The following SH3BP1 variants were observed in gnomAD, a reference collection of about 807,000 sequenced individuals.
The protein encoded by SH3BP1 is SH3 domain binding protein 1.
Under a neutral mutation model 69.8 loss-of-function variants are expected in SH3BP1, and 46 were observed. The observed-to-expected ratio is 0.66, with a 90% confidence interval of 0.52 to 0.84. The LOEUF (loss-of-function observed/expected upper bound fraction) is 0.84, where lower values mean the gene tolerates loss of function less well. Among genes scored for constraint, SH3BP1 ranks in the 40% least tolerant of loss-of-function variants. The pLI is 0.00. For synonymous variants in SH3BP1, 403 were observed against 378.0 expected, an observed-to-expected ratio of 1.07 and a Z score of -0.77; for missense variants, 868 against 930.9, an observed-to-expected ratio of 0.93 and a Z score of 0.88.
Position 37,655,452 on chromosome 22 carries a change from C to T in SH3BP1, c.1874C>T (p.Pro625Leu). 7.6e-7 allele frequency: 1 copy of T among 1,316,862 alleles called. No homozygotes were observed. The highest frequency in any genetic ancestry group is 1.0e-6 in the Non-Finnish European group (1 of 964,474). The allele number at this position is 1,316,862 out of a possible 1,614,324, so 81.6% of individuals were successfully genotyped here. The change falls in exon 18 of 18, where the codon CCC becomes CTC. Residue 625 changes from proline to leucine, a missense_variant. Pro to Leu is a moderately conservative substitution (Grantham distance 98, BLOSUM62 -3). Around this residue, in one of 3 missense-constraint regions of SH3BP1, gnomAD observed 474 missense variants for 462.3 expected, o/e 1.03. Transcript: ENST00000649765. ...RAPTVPPPLP[P>L]TPPQPARRQS... ...CCCACAGTGCCACCCCCGTTACCCC[C>T]CACACCCCCTCAGCCTGCCCGGCGC...
At chr22:37,650,750 C>G (rs1247339185) in intron 16 of SH3BP1, 25 bp downstream of exon 16, 2 of 1,564,436 alleles carry the variant, frequency 1.3e-6, no homozygotes, top group Non-Finnish European at 1.7e-6. Flanking sequence ...GCTTGAATGG[C>G]TCCTGTGGTA....
rs1932861570 is a variant in SH3BP1, at chr22:37,650,668, C to T, written c.1541C>T (p.Ala514Val). ...ACCCCAGCCACCACCCCGGCTCCGGCTCCGGCTCCAGCTCCAGCTCCGGCC... is the reference window on the plus strand; with the variant it reads ...ACCCCAGCCACCACCCCGGCTCCGGTTCCGGCTCCAGCTCCAGCTCCGGCC... The part of the protein sequence containing the change: ...VPTPATTPAP[A>V]PAPAPAPAPA... The change falls in exon 16 of 18, where the codon GCT (alanine) becomes GTT (valine). Residue 514 changes from alanine (A) to valine (V), a missense_variant. This residue lies in a region of SH3BP1 where 474 missense variants were observed against 462.3 expected (regional missense o/e 1.03). Transcript: ENST00000649765. 2.5e-6 allele frequency: 4 copies of T among 1,613,912 alleles called. No individual in the cohort carries two copies. The highest frequency in any genetic ancestry group is 3.4e-6 in the Non-Finnish European group (4 of 1,179,986).
At chr22:37,645,089 GTGA>G in intron 9 of SH3BP1, 129 bp downstream of exon 9, 1 of 915,524 alleles carries the variant, frequency 1.1e-6, no homozygotes. Context: ...GGCTCAATCT[GTGA>G]TGGAGAGGCA....
Position 37,655,774 on chromosome 22 carries a change from T to A in SH3BP1, c.*90T>A. Reference sequence around the variant, plus strand: ...AGCTCTCGCCCCCCACAAAGGGGCATGGGCCTCCAGCCTTTGCCCACAAGT... The same window carrying A: ...AGCTCTCGCCCCCCACAAAGGGGCAAGGGCCTCCAGCCTTTGCCCACAAGT... On this transcript the variant is annotated 3_prime_UTR_variant, in exon 18 of 18. Transcript: ENST00000649765. The A allele has an allele frequency of 1.4e-6, 2 of 1,445,368 alleles. No homozygotes were observed. The highest frequency in any genetic ancestry group is 1.8e-6 in the Non-Finnish European group (2 of 1,104,132). The allele number at this position is 1,445,368 out of a possible 1,614,324, so 89.5% of individuals were successfully genotyped here. A position where few individuals can be genotyped will look rare whatever the true frequency, so the allele number is the denominator to read the frequency against.
intron 14 of SH3BP1, chr22:37,649,723 G>A (rs1014981187): frequency 1.6e-4 from 39 of 238,632 alleles, no homozygotes; most frequent in Admixed American, 1.5e-3. Flanking sequence ...GGTGGAGGAT[G>A]CGGTGAGCCA....
intron 3 of SH3BP1, 140 bp downstream of exon 3, chr22:37,641,618 T>C: frequency 1.4e-6 from 1 of 690,712 alleles, no homozygotes; most frequent in South Asian, 1.9e-5. Context: ...CCAAGGCCCC[T>C]CTGGCACTGC....
At chr22:37,654,220 C>T (rs935797402) in intron 17 of SH3BP1, among the ~76,000 whole-genome samples, 4 of 152,112 alleles carry the variant, frequency 2.6e-5, no homozygotes, top group Non-Finnish European at 5.9e-5. Context: ...TACTGGAGTC[C>T]CGTCCCTCCA....
At chr22:37,653,908 G>A in intron 17 of SH3BP1, 35 bp downstream of exon 17, 1 of 1,316,594 alleles carries the variant, frequency 7.6e-7, no homozygotes, top group Non-Finnish European at 1.1e-6. Flanking sequence ...AGGGGACAGA[G>A]GGTGGGCGGG....
rs535930945 is a variant in SH3BP1, at chr22:37,647,174, G to A, written c.1037-93G>A. 5.9e-5 allele frequency: 66 copies of A among 1,123,692 alleles called. No individual in the cohort carries two copies. The African/African-American group carries it at 6.7e-4, about 11-fold the overall frequency. 69.6% of individuals were successfully genotyped at this position (1,123,692 alleles called of 1,614,324 possible). On this transcript the variant is annotated intron_variant, in intron 11 of 17. Coordinates refer to ENST00000649765, the MANE Select transcript of SH3BP1 (RefSeq NM_018957.6). ...CAAAGAAACTGTCAGACCTAGACAC[G>A]TTAGTGTGAACAAGGGCCGGAGGTT...
intron 17 of SH3BP1, among the ~76,000 whole-genome samples, chr22:37,654,873 A>G (rs743836): frequency 0.21 from 31,160 of 151,996 alleles, 5,347 homozygotes; most frequent in African/African-American, 0.47. Flanking sequence ...ACTTTGAGAG[A>G]CCGAGGCAGG....
intron 17 of SH3BP1, among the ~76,000 whole-genome samples, chr22:37,654,615 G>A (rs754003631): frequency 8.6e-5 from 13 of 151,940 alleles, no homozygotes; most frequent in Non-Finnish European, 1.6e-4. Flanking sequence ...AAGGAGAGGA[G>A]GTGGCAGGGG....
In SH3BP1 at chr22:37,641,098, TCCC is replaced by T. The variant is rs751968178; in HGVS notation, c.60-17_60-15del. ...CCAGGCAGGCTCAGCAGAAGCACTC[TCCC>T]CCCCCCCCCCACCACTCCCCGCAGC... On this transcript the variant is annotated intron_variant, in intron 1 of 17. Transcript: ENST00000649765. 3,624 of 945,170 alleles carry T rather than the reference TCCC, an allele frequency of 3.8e-3. 24 individuals carry two copies. The highest frequency in any genetic ancestry group is 0.015 in the African/African-American group (695 of 47,292). 58.5% of individuals were successfully genotyped at this position (945,170 alleles called of 1,614,324 possible).
Position 37,650,614 on chromosome 22 carries a change from C to G in SH3BP1, c.1487C>G (p.Ser496Cys). The change falls in exon 16 of 18, where the codon TCT becomes TGT. Residue 496 changes from serine (S) to cysteine (C), a missense_variant. Physicochemically the swap from Ser to Cys is moderately radical, Grantham distance 112. Transcript: ENST00000649765. ...LQDTVSDRLA[S>C]EELPSTAVPT... The stretch of plus-strand genomic sequence containing the variant: ...GACACAGTCAGTGACAGGCTGGCCT[C>G]TGAGGAACTTCCGTCCACTGCCGTG... The G allele has an allele frequency of 6.2e-7, 1 of 1,614,050 alleles. No individual in the cohort carries two copies.
In SH3BP1 at chr22:37,646,086, C is replaced by A. The variant is rs192644633; in HGVS notation, c.924+576C>A. On this transcript the variant is annotated intron_variant, in intron 10 of 17. Transcript: ENST00000649765. ...GGTTCAAGCGATTCTCCTGCCTCAACTTCACAAGTAGCTGGGACTACAGGC... is the reference window on the plus strand; with the variant it reads ...GGTTCAAGCGATTCTCCTGCCTCAAATTCACAAGTAGCTGGGACTACAGGC... Among the ~76,000 whole-genome samples the A allele has an allele frequency of 8.9e-3, 1,338 of 150,592 alleles. 11 individuals are homozygous for A. The highest frequency in any genetic ancestry group is 0.024 in the South Asian group (115 of 4,754).
At chr22:37,653,030 A>G (rs1333608442) in intron 16 of SH3BP1, among the ~76,000 whole-genome samples, 1 of 150,216 alleles carries the variant, frequency 6.7e-6, no homozygotes, top group Admixed American at 6.6e-5. Context: ...TCAGCTACTC[A>G]GGAGACCAAG....
chr22:37,647,364 G>A lies in SH3BP1; in HGVS notation c.1118+16G>A, dbSNP rs766358177. On this transcript the variant is annotated intron_variant, in intron 12 of 17. Transcript: ENST00000649765. ...GGGCAGCCAGGTGAGGATGTTGGAG[G>A]AGGGAGGGGATGGGGAGGAGGAGGA... is the stretch of plus-strand genomic sequence containing the variant. The A allele has an allele frequency of 6.8e-6, 11 of 1,613,798 alleles. No individual in the cohort carries two copies. Among genetic ancestry groups the A allele is most frequent in the Non-Finnish European group, 9.3e-6 (11 of 1,179,784 alleles).
In SH3BP1 at chr22:37,648,408, A is replaced by T. The variant is rs886768294; in HGVS notation, c.1289A>T (p.Asn430Ile). 2 of 1,567,460 alleles carry T rather than the reference A, an allele frequency of 1.3e-6. No individual in the cohort carries two copies. Among genetic ancestry groups the T allele is most frequent in the Non-Finnish European group, 1.7e-6 (2 of 1,155,396 alleles). ...PSNIAIVLGP[N>I]LLWPPEKEGD... ...AACATCGCCATAGTCCTGGGACCCAACTTGCTGTGGCCACCTGAGAAAGAA... is the reference window on the plus strand; with the variant it reads ...AACATCGCCATAGTCCTGGGACCCATCTTGCTGTGGCCACCTGAGAAAGAA... The change falls in exon 14 of 18, where the codon AAC (asparagine) becomes ATC (isoleucine). Residue 430 changes from asparagine to isoleucine, a missense_variant. Physicochemically the swap from Asn to Ile is moderately radical, Grantham distance 149. Around this residue, in one of 3 missense-constraint regions of SH3BP1, gnomAD observed 474 missense variants for 462.3 expected, o/e 1.03. Coordinates refer to ENST00000649765, the MANE Select transcript of SH3BP1 (RefSeq NM_018957.6).
Position 37,656,094 on chromosome 22 carries a change from A to G in SH3BP1, c.*410A>G. 2 of 1,264,208 alleles carry G rather than the reference A, an allele frequency of 1.6e-6. No individual in the cohort carries two copies. The highest frequency in any genetic ancestry group is 2.1e-6 in the Non-Finnish European group (2 of 962,666). The allele number at this position is 1,264,208 out of a possible 1,614,324, so 78.3% of individuals were successfully genotyped here. On this transcript the variant is annotated 3_prime_UTR_variant, in exon 18 of 18. Transcript: ENST00000649765. ...TTTCTGTCCTTGAAATAAAGAAGCC[A>G]ATTTTATAAAGGGGAAAACAATACA...
In SH3BP1 at chr22:37,641,105, CCCCCCCA is replaced by C; in HGVS notation, c.60-18_60-12del. The C allele has an allele frequency of 7.6e-7, 1 of 1,310,280 alleles. No individual in the cohort carries two copies. Among genetic ancestry groups the C allele is most frequent in the Non-Finnish European group, 1.1e-6 (1 of 946,448 alleles). 81.2% of individuals were successfully genotyped at this position (1,310,280 alleles called of 1,614,324 possible). ...GGCTCAGCAGAAGCACTCTCCCCCC[CCCCCCCA>C]CCACTCCCCGCAGCACCCCGGAGAC... On this transcript the variant is annotated splice_polypyrimidine_tract_variant and intron_variant, in intron 1 of 17. Transcript: ENST00000649765.
Sources: allele counts gnomAD v4.1 joint callset (sites outside exome capture counted in the v4.1 genomes callset), GRCh38; gene constraint gnomAD v4.1.1; regional missense constraint gnomAD v4.1.1; transcripts MANE v1.5; gene names NCBI Gene and HGNC (gene_info 2026-07-23, HGNC 2026-07-21).